The following KCNIP4 variants were observed in gnomAD, a reference collection of about 807,000 sequenced individuals.
KCNIP4 encodes Kv channel-interacting protein 4.
A neutral mutation model predicts 34.0 loss-of-function variants in KCNIP4; 12 were observed. The ratio of observed to expected loss-of-function variants is 0.35; its 90% CI spans 0.23 to 0.57. The LOEUF (loss-of-function observed/expected upper bound fraction) is 0.57. Ranked by LOEUF, KCNIP4 falls within the 20% of genes least tolerant of loss-of-function variation. The pLI is 0.83. For missense variants in KCNIP4, 238 were observed against 311.7 expected (o/e 0.76, Z 1.78); for synonymous variants, 124 against 102.2 (o/e 1.21, Z -1.29).
chr4:21,343,840 T>C (rs1717017355), intron 1 of KCNIP4, among the ~76,000 whole-genome samples: 1 of 152,146 alleles, frequency 6.6e-6, no homozygotes, highest in African/African-American at 2.4e-5. Context: ...ATGTGCCAGT[T>C]ATAGTTCCAA....
At chr4:20,944,345 G>C (rs1731965512) in intron 1 of KCNIP4, among the ~76,000 whole-genome samples, 2 of 152,136 alleles carry the variant, frequency 1.3e-5, no homozygotes, top group South Asian at 4.1e-4. Context: ...AAAGGGACTG[G>C]AGTTGCATTT....
chr4:21,065,258 A>C (rs1248289749), intron 1 of KCNIP4, among the ~76,000 whole-genome samples: 7 of 152,176 alleles, frequency 4.6e-5, no homozygotes, highest in African/African-American at 1.7e-4. Context: ...CTACACTACC[A>C]AAGTGTTAAA....
intron 5 of KCNIP4, among the ~76,000 whole-genome samples, chr4:20,735,271 G>A (rs1351425993): frequency 2.6e-5 from 4 of 152,092 alleles, no homozygotes; most frequent in African/African-American, 9.7e-5. Context: ...CTATATTACT[G>A]GATGGCTTTG....
At chr4:21,556,929 A>AAAAAAAAAAAAAAAAAAC (rs1739091307) in intron 1 of KCNIP4, among the ~76,000 whole-genome samples, 1 of 147,760 alleles carries the variant, frequency 6.8e-6, no homozygotes, top group African/African-American at 2.5e-5. Context: ...TCAGAAAAAA[A>AAAAAAAAAAAAAAAAAAC]AAAAAAAAAA....
intron 1 of KCNIP4, among the ~76,000 whole-genome samples, chr4:21,157,560 G>C (rs1290525614): frequency 6.6e-6 from 1 of 151,766 alleles, no homozygotes; most frequent in South Asian, 2.1e-4. Context: ...AATGAGATGA[G>C]CCCTACAATT....
intron 1 of KCNIP4, among the ~76,000 whole-genome samples, chr4:21,733,763 T>G (rs558903540): frequency 6.6e-6 from 1 of 152,294 alleles, no homozygotes; most frequent in African/African-American, 2.4e-5. Context: ...CCAAGGGATA[T>G]AGCAGTATCT....
In KCNIP4 at chr4:21,087,145, A is replaced by AGTGTGTGTGT. The variant is rs753858012; in HGVS notation, c.62-204437_62-204436insACACACACAC. On this transcript the variant is annotated intron_variant, in intron 1 of 8. Coordinates refer to ENST00000382152, the MANE Select transcript of KCNIP4 (RefSeq NM_025221.6). Reference sequence around the variant, plus strand: ...CAGGCATGCACCACCACTGCTGGGTAATGTGTGTGTGTGTGTGTGTGTGTG... The same window carrying AGTGTGTGTGT: ...CAGGCATGCACCACCACTGCTGGGTAGTGTGTGTGTATGTGTGTGTGTGTGTGTGTGTGTG... Among the ~76,000 whole-genome samples, 37 of 70,296 alleles carry AGTGTGTGTGT rather than the reference A, an allele frequency of 5.3e-4. No homozygotes were observed. In the South Asian group the frequency reaches 6.8e-3, roughly 13 times the overall value. The allele number at this position is 70,296 out of a possible 152,430, so 46.1% of individuals were successfully genotyped here. A position where few individuals can be genotyped will look rare whatever the true frequency, so the allele number is the denominator to read the frequency against.
chr4:21,466,356 C>G (rs1015829983), intron 1 of KCNIP4, among the ~76,000 whole-genome samples: 6 of 152,130 alleles, frequency 3.9e-5, no homozygotes, highest in Non-Finnish European at 7.3e-5. Flanking sequence ...CCAAGATGGC[C>G]CCCTAATCTA....
chr4:20,948,789 T>A (rs959628633), intron 1 of KCNIP4, among the ~76,000 whole-genome samples: 67 of 152,342 alleles, frequency 4.4e-4, no homozygotes, highest in African/African-American at 1.6e-3. Flanking sequence ...AAAATGATAA[T>A]GGTCCTATCC....
intron 1 of KCNIP4, among the ~76,000 whole-genome samples, chr4:21,436,838 A>G (rs180953114): frequency 6.6e-6 from 1 of 152,282 alleles, no homozygotes; most frequent in African/African-American, 2.4e-5. Context: ...GAGTTCTTTC[A>G]GGACATGGTA....
In KCNIP4 at chr4:21,362,876, G is replaced by A. The variant is rs544030861; in HGVS notation, c.62-480167C>T. 7.9e-5 allele frequency among the ~76,000 whole-genome samples: 12 copies of A among 152,274 alleles called. No individual in the cohort carries two copies. The South Asian group carries it at 2.5e-3, about 32-fold the overall frequency. ...CTGTCTACAGAACACAACTCAGGGA[G>A]CAAATAGGAGAACTACAATGGAGTG... On this transcript the variant is annotated intron_variant, in intron 1 of 8. Coordinates refer to ENST00000382152, the MANE Select transcript of KCNIP4 (RefSeq NM_025221.6).
At chr4:21,207,198 A>G (rs1230875832) in intron 1 of KCNIP4, among the ~76,000 whole-genome samples, 2 of 152,176 alleles carry the variant, frequency 1.3e-5, no homozygotes, top group African/African-American at 4.8e-5. Context: ...ATATTTTTAT[A>G]AGTTATAATG....
intron 1 of KCNIP4, among the ~76,000 whole-genome samples, chr4:21,837,809 A>G (rs942208614): frequency 6.6e-6 from 1 of 152,152 alleles, no homozygotes; most frequent in Non-Finnish European, 1.5e-5. Context: ...GATCCTGAAT[A>G]ATCCAAGCTG....
chr4:21,597,538 A>AG (rs1222804103), intron 1 of KCNIP4, among the ~76,000 whole-genome samples: 2 of 152,122 alleles, frequency 1.3e-5, no homozygotes, highest in African/African-American at 4.8e-5. Flanking sequence ...CAGAAAGCTG[A>AG]GGGGAGGGCC....
chr4:21,916,074 A>C (rs1353222850), intron 1 of KCNIP4, among the ~76,000 whole-genome samples: 1 of 152,236 alleles, frequency 6.6e-6, no homozygotes, highest in African/African-American at 2.4e-5. Flanking sequence ...GCCTGCATCC[A>C]TATGTTTGGG....
rs28554078 is a variant in KCNIP4 at position 20,907,479 on chromosome 4, A to C, written c.62-24770T>G. On this transcript the variant is annotated intron_variant, in intron 1 of 8. Coordinates refer to ENST00000382152, the MANE Select transcript of KCNIP4 (RefSeq NM_025221.6). The stretch of plus-strand genomic sequence containing the variant: ...TTATAAAAAATCAAATGAAATAATA[A>C]ATATCAAAACATATTCAAAACTAAA... 6.6e-3 allele frequency among the ~76,000 whole-genome samples: 1,010 copies of C among 152,320 alleles called. 9 individuals are homozygous for C. The highest frequency in any genetic ancestry group is 0.023 in the African/African-American group (953 of 41,558).
chr4:21,728,120 A>C (rs10012055), intron 1 of KCNIP4, among the ~76,000 whole-genome samples: 58,113 of 151,912 alleles, frequency 0.38, 12,598 homozygotes, highest in East Asian at 0.68. Context: ...TCAGTAAACA[A>C]TGACAATTTC....
At chr4:20,802,681 C>A (rs927497353) in intron 3 of KCNIP4, among the ~76,000 whole-genome samples, 2 of 151,996 alleles carry the variant, frequency 1.3e-5, no homozygotes, top group South Asian at 2.1e-4. Flanking sequence ...AATTAGTAAC[C>A]AAGGGAATCT....
intron 1 of KCNIP4, among the ~76,000 whole-genome samples, chr4:21,353,330 C>G (rs1414395452): frequency 1.3e-5 from 2 of 152,092 alleles, no homozygotes; most frequent in Non-Finnish European, 2.9e-5. Flanking sequence ...TTCAGAAGGT[C>G]AGTAATAACA....
Sources: gnomAD v4.1 joint callset for allele counts (sites outside exome capture counted in the v4.1 genomes callset) on GRCh38, gnomAD v4.1.1 for gene constraint, MANE v1.5 for transcripts, NCBI Gene and HGNC (gene_info 2026-07-23, HGNC 2026-07-21) for gene names.